Variants in KDSR observed in about 807,000 individuals in gnomAD.
KDSR encodes 3-ketodihydrosphingosine reductase.
A neutral mutation model predicts 41.3 loss-of-function variants in KDSR; 23 were observed. The observed-to-expected ratio is 0.56, with a 90% CI of 0.40 to 0.79. The LOEUF (loss-of-function observed/expected upper bound fraction) is 0.79, where lower values mean the gene tolerates loss of function less well. Ranked by LOEUF, KDSR falls within the 30% of genes least tolerant of loss-of-function variation. The pLI is 0.00. For synonymous variants in KDSR, 138 were observed against 151.7 expected, an observed-to-expected ratio of 0.91 and a Z score of 0.66; for missense variants, 351 against 416.8, an observed-to-expected ratio of 0.84 and a Z score of 1.37.
chr18:63,364,560 C>CA (rs1369438808), intron 1 of KDSR, among the ~76,000 whole-genome samples: 1 of 152,086 alleles, frequency 6.6e-6, no homozygotes, highest in Non-Finnish European at 1.5e-5. Flanking sequence ...TCTCTTGTCT[C>CA]AGACACCCAA....
chr18:63,365,357 C>T (rs932947782), intron 1 of KDSR, among the ~76,000 whole-genome samples: 1 of 152,224 alleles, frequency 6.6e-6, no homozygotes, highest in Non-Finnish European at 1.5e-5. Flanking sequence ...CCTCTCCCAA[C>T]AATACCACAG....
At chr18:63,348,334 A>G (rs889043521) in intron 6 of KDSR, among the ~76,000 whole-genome samples, 1 of 151,882 alleles carries the variant, frequency 6.6e-6, no homozygotes, top group Non-Finnish European at 1.5e-5. Context: ...AAAAAAAAAA[A>G]AAAAAGTATC....
intron 7 of KDSR, among the ~76,000 whole-genome samples, chr18:63,340,700 C>G (rs72946517): frequency 5.3e-5 from 8 of 152,334 alleles, no homozygotes; most frequent in Non-Finnish European, 1.0e-4. Flanking sequence ...TGAGAAGCTT[C>G]TGTTATAAGC....
At chr18:63,334,792 T>A (rs2144347683) in intron 9 of KDSR, among the ~76,000 whole-genome samples, 1 of 152,310 alleles carries the variant, frequency 6.6e-6, no homozygotes, top group East Asian at 1.9e-4. Flanking sequence ...AAATAATACA[T>A]TCTATAAGCG....
At chr18:63,361,018 A>ATATATATAATAAAAATATATATTTTATAT (rs1568283919) in intron 2 of KDSR, among the ~76,000 whole-genome samples, 1 of 18,076 alleles carries the variant, frequency 5.5e-5, no homozygotes, top group African/African-American at 1.3e-4. Flanking sequence ...ATATATATAA[A>ATATATATAATAAAAATATATATTTTATAT]ATATATAATA....
At chr18:63,335,223 G>A (rs750065103) in intron 9 of KDSR, 34 bp downstream of exon 9, 15 of 1,401,338 alleles carry the variant, frequency 1.1e-5, no homozygotes, top group Middle Eastern at 3.6e-4. Flanking sequence ...CTTGTCCATC[G>A]GCCTGTCTGA....
intron 9 of KDSR, among the ~76,000 whole-genome samples, chr18:63,334,826 C>T (rs757632874): frequency 2.0e-5 from 3 of 152,188 alleles, no homozygotes; most frequent in Non-Finnish European, 4.4e-5. Flanking sequence ...ATCCATGATT[C>T]GTGTCTCACT....
At chr18:63,361,007 T>TATATAGATA (rs1914951826) in intron 2 of KDSR, among the ~76,000 whole-genome samples, 1 of 21,536 alleles carries the variant, frequency 4.6e-5, no homozygotes, top group African/African-American at 1.5e-4. Context: ...AAAAAATATA[T>TATATAGATA]ATATATATAA....
intron 7 of KDSR, 34 bp downstream of exon 7, chr18:63,344,376 T>C (rs1345008567): frequency 1.4e-6 from 2 of 1,410,354 alleles, no homozygotes; most frequent in Non-Finnish European, 1.0e-6. Context: ...CAGTAAACAT[T>C]AGAGGTTCAA....
intron 8 of KDSR, among the ~76,000 whole-genome samples, chr18:63,337,433 T>C (rs1914207704): frequency 6.6e-6 from 1 of 152,100 alleles, no homozygotes; most frequent in Admixed American, 6.6e-5. Context: ...TTATTTTTAA[T>C]GAATCAATAA....
intron 9 of KDSR, among the ~76,000 whole-genome samples, chr18:63,333,206 A>G (rs994776580): frequency 6.6e-6 from 1 of 152,098 alleles, no homozygotes; most frequent in Non-Finnish European, 1.5e-5. Context: ...GAAGTCTCCC[A>G]GTTGCTAGGA....
rs918507120 is a variant in KDSR at position 63,331,365 on chromosome 18, G to GT, written c.*416dup. 1.3e-4 allele frequency: 31 copies of GT among 233,008 alleles called. No individual in the cohort carries two copies. Among genetic ancestry groups the GT allele is most frequent in the Admixed American group, 2.3e-4 (4 of 17,762 alleles). 14.4% of individuals were successfully genotyped at this position (233,008 alleles called of 1,614,324 possible). A position where few individuals can be genotyped will look rare whatever the true frequency, so the allele number is the denominator to read the frequency against. ...GAGAGAACCCGAGAAACCGAAAATT[G>GT]TTTTTTTATGGAAGGTTTAAACAAA... On this transcript the variant is annotated 3_prime_UTR_variant, in exon 10 of 10. Coordinates refer to ENST00000645214, the MANE Select transcript of KDSR (RefSeq NM_002035.4).
intron 9 of KDSR, 103 bp from the exon 10 acceptor site, chr18:63,332,004 G>A: frequency 8.4e-7 from 1 of 1,193,944 alleles, no homozygotes; most frequent in Non-Finnish European, 1.2e-6. Context: ...CTTCTAGTCT[G>A]CTCTAAGGAT....
At chr18:63,358,091 G>T (rs1303036016) in intron 3 of KDSR, among the ~76,000 whole-genome samples, 2 of 152,152 alleles carry the variant, frequency 1.3e-5, no homozygotes, top group Non-Finnish European at 2.9e-5. Flanking sequence ...CTTGAACCCA[G>T]GAGGCAGAGG....
At chr18:63,347,814 AT>A (rs1341148035) in intron 6 of KDSR, among the ~76,000 whole-genome samples, 1 of 152,126 alleles carries the variant, frequency 6.6e-6, no homozygotes, top group Non-Finnish European at 1.5e-5. Context: ...AACTTTTAAA[AT>A]CTTTACCTTT....
intron 7 of KDSR, among the ~76,000 whole-genome samples, chr18:63,341,480 A>G (rs1914338204): frequency 6.6e-6 from 1 of 152,066 alleles, no homozygotes. Flanking sequence ...GATTAAAAAA[A>G]AAAAGAGAGA....
At chr18:63,333,436 T>C (rs568966511) in intron 9 of KDSR, among the ~76,000 whole-genome samples, 56 of 152,330 alleles carry the variant, frequency 3.7e-4, no homozygotes, top group Non-Finnish European at 6.9e-4. Flanking sequence ...AGTCATTGAA[T>C]GTTTTCATGC....
intron 6 of KDSR, 36 bp downstream of exon 6, chr18:63,350,852 G>A (rs748905300): frequency 1.4e-6 from 2 of 1,459,240 alleles, no homozygotes; most frequent in Non-Finnish European, 1.9e-6. Flanking sequence ...TTGCTGAGCG[G>A]AGAGGAATAA....
chr18:63,357,423 C>A (rs1914826183), intron 3 of KDSR, among the ~76,000 whole-genome samples: 1 of 150,748 alleles, frequency 6.6e-6, no homozygotes, highest in Non-Finnish European at 1.5e-5. Flanking sequence ...AATTGCTGAA[C>A]TGATGAACAA....
Sources: gnomAD v4.1 joint callset for allele counts (sites outside exome capture counted in the v4.1 genomes callset) on GRCh38, gnomAD v4.1.1 for gene constraint, MANE v1.5 for transcripts, NCBI Gene and HGNC (gene_info 2026-07-23, HGNC 2026-07-21) for gene names.